CHAF1A: variants seen among roughly 807,000 people sequenced by gnomAD.
The protein encoded by CHAF1A is CAF-1 subunit A.
In CHAF1A, 5 loss-of-function variants were observed where a neutral mutation model predicts 93.2. The observed-to-expected ratio is 0.05, with a 90% CI of 0.03 to 0.11. The LOEUF is 0.11. Ranked by LOEUF, CHAF1A falls within the 10% of genes least tolerant of loss-of-function variation. CHAF1A has a pLI of 1.00. For synonymous variants in CHAF1A, 504 were observed against 510.3 expected (o/e 0.99, Z 0.17); for missense variants, 1,102 against 1,259.9 (o/e 0.87, Z 1.90).
At chr19:4,446,792 C>G (rs199552431), downstream of CHAF1A, 172 of 1,613,406 alleles carry the variant, frequency 1.1e-4, no homozygotes, top group East Asian at 3.6e-3. Flanking sequence ...TGCCCCGAGG[C>G]CCCTCGTCCC....
chr19:4,404,800 C>T (rs1438026682), intron 1 of CHAF1A, among the ~76,000 whole-genome samples: 1 of 145,008 alleles, frequency 6.9e-6, no homozygotes, highest in Non-Finnish European at 1.5e-5. Flanking sequence ...TCTAAAGACT[C>T]GCTTCTATTT....
At chr19:4,448,967 C>G (rs932430303), downstream of CHAF1A, 1 of 154,784 alleles carries the variant, frequency 6.5e-6, no homozygotes, top group Non-Finnish European at 1.4e-5. Context: ...AGCTGGAAGA[C>G]GGATACCCCC....
chr19:4,440,322 T>C (rs1039884212), intron 13 of CHAF1A, among the ~76,000 whole-genome samples: 4 of 151,816 alleles, frequency 2.6e-5, no homozygotes, highest in African/African-American at 9.7e-5. Flanking sequence ...GGAATCTTAC[T>C]AGGGTCAGGT....
chr19:4,418,050 GAGA>G lies in CHAF1A; in HGVS notation c.996_998del (p.Lys332del). Reference sequence around the variant, plus strand: ...TAAGAAATTCGTCAAAGGCTCTACAGAGAAGAACAAGCTCAGACTGCAAAGAGT... The same window carrying G: ...TAAGAAATTCGTCAAAGGCTCTACAGAGAACAAGCTCAGACTGCAAAGAGT... On this transcript the variant is annotated inframe_deletion, in exon 4 of 15. Coordinates refer to ENST00000301280, the MANE Select transcript of CHAF1A (RefSeq NM_005483.3). The G allele has an allele frequency of 1.2e-6, 2 of 1,607,302 alleles. No individual in the cohort carries two copies. Among genetic ancestry groups the G allele is most frequent in the Non-Finnish European group, 1.7e-6 (2 of 1,177,094 alleles).
intron 10 of CHAF1A, 24 bp downstream of exon 10, chr19:4,429,812 T>C: frequency 6.3e-7 from 1 of 1,593,032 alleles, no homozygotes; most frequent in Non-Finnish European, 8.6e-7. Flanking sequence ...CCAGCTGTCT[T>C]CACTCACAGA....
chr19:4,447,804 C>A, downstream of CHAF1A: 2 of 624,192 alleles, frequency 3.2e-6, no homozygotes, highest in Admixed American at 2.4e-5. Context: ...CCTCGGACAC[C>A]CCATGGAGCC....
intron 4 of CHAF1A, among the ~76,000 whole-genome samples, chr19:4,418,356 G>A (rs1973930981): frequency 6.7e-6 from 1 of 149,070 alleles, no homozygotes; most frequent in Admixed American, 6.8e-5. Flanking sequence ...GTATCCCATT[G>A]TAGCTTCAAA....
At chr19:4,419,029 ATT>A (rs11406470) in intron 4 of CHAF1A, among the ~76,000 whole-genome samples, 28 of 96,442 alleles carry the variant, frequency 2.9e-4, no homozygotes, top group Non-Finnish European at 3.8e-4. Flanking sequence ...TAGCCAGCTA[ATT>A]TTTTTTTTTT....
chr19:4,446,858 C>A, downstream of CHAF1A: 4 of 1,614,080 alleles, frequency 2.5e-6, no homozygotes, highest in Non-Finnish European at 3.4e-6. Flanking sequence ...CGGGAAGCAA[C>A]ACCTTCTGGA....
At chr19:4,445,484 A>G (rs188969463), downstream of CHAF1A, 8 of 1,613,568 alleles carry the variant, frequency 5.0e-6, no homozygotes, top group East Asian at 2.2e-5. Flanking sequence ...GCTGAGGCCA[A>G]CCCTGCTTTT....
chr19:4,446,973 G>C, downstream of CHAF1A: 1 of 1,564,892 alleles, frequency 6.4e-7, no homozygotes, highest in Non-Finnish European at 8.8e-7. Context: ...CCATGGCCTG[G>C]CCACACCCCA....
intron 6 of CHAF1A, 77 bp from the exon 7 acceptor site, chr19:4,423,729 G>A: frequency 1.4e-6 from 2 of 1,397,896 alleles, no homozygotes; most frequent in Non-Finnish European, 2.0e-6. Context: ...TTCGGTTCTG[G>A]GGGCCTTTGC....
At position 4,408,932 on chromosome 19, in the gene CHAF1A, G is replaced by C. The variant is rs1443758485; in HGVS notation, c.133G>C (p.Val45Leu). The change falls in exon 3 of 15, where the codon GTC becomes CTC. Residue 45 changes from valine to leucine, a missense_variant. By Grantham distance (32) the Val-to-Leu change is conservative. This residue lies in a region of CHAF1A where 379 missense variants were observed against 365.7 expected (regional missense o/e 1.04). Transcript: ENST00000301280. ...ARLPFKRLNL[V>L]PKGKADDMSD... ...TCTGCCGTTTAAGCGCCTGAATCTT[G>C]TCCCAAAGGGGAAAGCCGATGACAT... 2.5e-6 allele frequency: 4 copies of C among 1,610,902 alleles called. No individual in the cohort carries two copies. The highest frequency in any genetic ancestry group is 3.4e-6 in the Non-Finnish European group (4 of 1,179,168).
intron 7 of CHAF1A, among the ~76,000 whole-genome samples, chr19:4,425,326 C>T (rs1299212102): frequency 2.0e-5 from 3 of 152,134 alleles, no homozygotes; most frequent in Non-Finnish European, 4.4e-5. Context: ...TCTCTCGGCT[C>T]ACTCTAACCT....
chr19:4,415,706 G>A (rs1407806469), intron 3 of CHAF1A, among the ~76,000 whole-genome samples: 1 of 149,328 alleles, frequency 6.7e-6, no homozygotes, highest in Non-Finnish European at 1.5e-5. Flanking sequence ...GGTGGTGAAA[G>A]AGCTCCTGCC....
chr19:4,414,004 T>C (rs1973854880), intron 3 of CHAF1A, among the ~76,000 whole-genome samples: 1 of 152,228 alleles, frequency 6.6e-6, no homozygotes, highest in Non-Finnish European at 1.5e-5. Context: ...ATCATGTTGG[T>C]GCAGTTGTGT....
At position 4,433,267 on chromosome 19, in the gene CHAF1A, C is replaced by A. The variant is rs764003662; in HGVS notation, c.2401C>A (p.Leu801Ile). 1 of 1,614,244 alleles carries A rather than the reference C, an allele frequency of 6.2e-7. No individual in the cohort carries two copies. Among genetic ancestry groups the A allele is most frequent in the Non-Finnish European group, 8.5e-7 (1 of 1,180,050 alleles). The change falls in exon 13 of 15, where the codon CTC becomes ATC. Residue 801 changes from leucine to isoleucine, a missense_variant. Leu to Ile is a conservative substitution (Grantham distance 5). Around this residue, in one of 6 missense-constraint regions of CHAF1A, gnomAD observed 76 missense variants for 129.8 expected, o/e 0.59. Coordinates refer to ENST00000301280, the MANE Select transcript of CHAF1A (RefSeq NM_005483.3). The surrounding 1 kb of genome is among the most constrained non-coding windows in gnomAD (Gnocchi z 5.6). ...CCCCTCTAAGTCCCGGCTCAAGCGG[C>A]TCATTTCCGAGAACTCAGTGTATGA... ...AIPSKSRLKR[L>I]ISENSVYEKR...
At position 4,420,938 on chromosome 19, in the gene CHAF1A, C is replaced by T. The variant is rs532663422; in HGVS notation, c.1018-1628C>T. ...AATTAGCCAGGTGTGGTGACAGGTG[C>T]CTGTGGTCCCAGCTACTCGGGAGGC... On this transcript the variant is annotated intron_variant, in intron 4 of 14. Transcript: ENST00000301280. Among the ~76,000 whole-genome samples the T allele has an allele frequency of 1.3e-3, 201 of 152,134 alleles. 4 individuals carry two copies. Among genetic ancestry groups the T allele is most frequent in the Non-Finnish European group, 1.7e-3 (115 of 67,998 alleles).
In CHAF1A at chr19:4,422,860, C is replaced by G; in HGVS notation, c.1247+65C>G. On this transcript the variant is annotated intron_variant, in intron 5 of 14. Coordinates refer to ENST00000301280, the MANE Select transcript of CHAF1A (RefSeq NM_005483.3). The surrounding 1 kb of genome is among the most constrained non-coding windows in gnomAD (Gnocchi z 4.6). Reference sequence around the variant, plus strand: ...CTGCTGGATTCCGCTCCTGGCCACTCTGATGGGGCCTTTCCACTTCACAGG... The same window carrying G: ...CTGCTGGATTCCGCTCCTGGCCACTGTGATGGGGCCTTTCCACTTCACAGG... 2 of 1,433,530 alleles carry G rather than the reference C, an allele frequency of 1.4e-6. No homozygotes were observed. The highest frequency in any genetic ancestry group is 1.4e-5 in the African/African-American group (1 of 70,872). The allele number at this position is 1,433,530 out of a possible 1,614,324, so 88.8% of individuals were successfully genotyped here. A position where few individuals can be genotyped will look rare whatever the true frequency, so the allele number is the denominator to read the frequency against.
Sources: allele counts gnomAD v4.1 joint callset (sites outside exome capture counted in the v4.1 genomes callset), GRCh38; gene constraint gnomAD v4.1.1; regional missense constraint gnomAD v4.1.1; non-coding constraint Gnocchi (gnomAD v3.1); transcripts MANE v1.5; gene names NCBI Gene and HGNC (gene_info 2026-07-23, HGNC 2026-07-21).